TYW1B: variants seen among roughly 807,000 people sequenced by gnomAD.
The protein encoded by TYW1B is S-adenosyl-L-methionine-dependent tRNA 4-demethylwyosine synthase TYW1B.
In TYW1B, 73 loss-of-function variants were observed where a neutral mutation model predicts 86.9. That is an observed-to-expected ratio of 0.84 (90% CI 0.70 to 1.02). The LOEUF is 1.02. Among genes scored for constraint, TYW1B ranks in the 50% least tolerant of loss-of-function variants. TYW1B has a pLI of 0.00. For missense variants in TYW1B, 637 were observed against 827.4 expected (o/e 0.77, Z 2.82); for synonymous variants, 248 against 292.8 (o/e 0.85, Z 1.56).
At chr7:72,812,032 C>T (rs1788630978) in intron 3 of TYW1B, among the ~76,000 whole-genome samples, 1 of 151,556 alleles carries the variant, frequency 6.6e-6, no homozygotes, top group African/African-American at 2.4e-5. Context: ...TAACACTTGG[C>T]ACCATTATCT....
At chr7:72,620,233 T>C (rs1171682124) in intron 12 of TYW1B, among the ~76,000 whole-genome samples, 2 of 151,576 alleles carry the variant, frequency 1.3e-5, no homozygotes, top group Non-Finnish European at 2.9e-5. Context: ...CCTGTCTCTA[T>C]TAAAAATACA....
chr7:72,778,031 A>G (rs1787987667), intron 6 of TYW1B, among the ~76,000 whole-genome samples: 1 of 152,220 alleles, frequency 6.6e-6, no homozygotes. Flanking sequence ...TGAGACAACA[A>G]TCTAAAGACA....
In TYW1B at chr7:72,780,653, T is replaced by C. The variant is rs559795687; in HGVS notation, c.847-3120A>G. On this transcript the variant is annotated intron_variant, in intron 6 of 13. Transcript: ENST00000620995. ...CTGTCCCTTCACTAGAGAAAGTATC[T>C]ATTATAAAATGTGAGTGTTGCAACC... 3.7e-4 allele frequency among the ~76,000 whole-genome samples: 57 copies of C among 152,272 alleles called. 1 individual carries two copies. The highest frequency in any genetic ancestry group is 1.4e-3 in the African/African-American group (57 of 41,552).
rs184440975 is a variant in TYW1B at position 72,575,168 on chromosome 7, A to G, written c.*330T>C. On this transcript the variant is annotated 3_prime_UTR_variant, in exon 14 of 14. Transcript: ENST00000620995. ...GATTTCTTCCTTGTCTGACACTCTC[A>G]GGACTAGCATTCTGGCAGGTCTTAG... The G allele has an allele frequency of 0.021, 23,215 of 1,105,782 alleles. 298 individuals are homozygous for G. Among genetic ancestry groups the G allele is most frequent in the Middle Eastern group, 0.045 (110 of 2,424 alleles). 68.5% of individuals were successfully genotyped at this position (1,105,782 alleles called of 1,614,324 possible).
At chr7:72,825,271 A>C (rs1364375530) in intron 2 of TYW1B, among the ~76,000 whole-genome samples, 2 of 152,104 alleles carry the variant, frequency 1.3e-5, no homozygotes, top group African/African-American at 4.8e-5. Context: ...GTTCCCCCCC[A>C]AAAAAGAGAG....
intron 6 of TYW1B, among the ~76,000 whole-genome samples, chr7:72,801,091 G>A (rs1425330306): frequency 3.9e-5 from 6 of 152,162 alleles, no homozygotes; most frequent in African/African-American, 1.4e-4. Context: ...CACCACAGGA[G>A]GCCAAGGCGG....
chr7:72,754,513 T>C (rs1787554455), intron 7 of TYW1B, among the ~76,000 whole-genome samples: 1 of 152,118 alleles, frequency 6.6e-6, no homozygotes, highest in South Asian at 2.1e-4. Context: ...CTTAGCTCAC[T>C]GCTACCTCTG....
Position 72,694,679 on chromosome 7 carries a change from A to T in TYW1B, c.1506+8T>A, listed in dbSNP as rs781893203. On this transcript the variant is annotated splice_region_variant and intron_variant, in intron 11 of 13. Transcript: ENST00000620995. The stretch of plus-strand genomic sequence containing the variant: ...GTTTATTTATTTTTAAGATGTCATA[A>T]TTCTTACCTTGACTGCCAAGGCTTT... The T allele has an allele frequency of 6.2e-7, 1 of 1,600,082 alleles. No homozygotes were observed. The highest frequency in any genetic ancestry group is 2.2e-5 in the East Asian group (1 of 44,802).
intron 11 of TYW1B, among the ~76,000 whole-genome samples, chr7:72,646,059 T>G (rs1410726295): frequency 6.7e-6 from 1 of 150,246 alleles, no homozygotes; most frequent in Non-Finnish European, 1.5e-5. Flanking sequence ...TTTCGTTTGT[T>G]TTTTGTTGAG....
At chr7:72,754,038 C>T (rs547647712) in intron 7 of TYW1B, among the ~76,000 whole-genome samples, 1 of 152,146 alleles carries the variant, frequency 6.6e-6, no homozygotes, top group Non-Finnish European at 1.5e-5. Flanking sequence ...CCTACTTCAA[C>T]AAGGGTTATT....
At chr7:72,685,715 A>C (rs1161417895) in intron 11 of TYW1B, among the ~76,000 whole-genome samples, 1 of 152,194 alleles carries the variant, frequency 6.6e-6, no homozygotes, top group African/African-American at 2.4e-5. Flanking sequence ...TCTAGACGAT[A>C]ACACAGGAGA....
intron 11 of TYW1B, among the ~76,000 whole-genome samples, chr7:72,674,186 A>G (rs1813681281): frequency 1.3e-5 from 2 of 152,134 alleles, no homozygotes; most frequent in Non-Finnish European, 2.9e-5. Flanking sequence ...CCATTCTCAG[A>G]AAGTCACTTT....
At chr7:72,749,569 G>C (rs1189389500) in intron 7 of TYW1B, among the ~76,000 whole-genome samples, 2 of 152,146 alleles carry the variant, frequency 1.3e-5, no homozygotes, top group East Asian at 1.9e-4. Flanking sequence ...TGGGATTACA[G>C]GCGTGAGCCG....
chr7:72,702,035 T>A (rs2129570441), intron 10 of TYW1B, among the ~76,000 whole-genome samples: 1 of 152,350 alleles, frequency 6.6e-6, no homozygotes, highest in African/African-American at 2.4e-5. Context: ...AGGAATACGA[T>A]GGAGCTTTTC....
At chr7:72,762,510 A>G (rs1378892416) in intron 7 of TYW1B, among the ~76,000 whole-genome samples, 2 of 152,168 alleles carry the variant, frequency 1.3e-5, no homozygotes, top group Non-Finnish European at 2.9e-5. Flanking sequence ...TTATCTTAAA[A>G]GCCTAGAAAG....
chr7:72,802,917 G>C (rs547810339), intron 5 of TYW1B, among the ~76,000 whole-genome samples: 1 of 152,030 alleles, frequency 6.6e-6, no homozygotes, highest in South Asian at 2.1e-4. Context: ...AACAGCGCTC[G>C]GCTGTCTATA....
At position 72,684,494 on chromosome 7, in the gene TYW1B, A is replaced by G. The variant is rs35006166; in HGVS notation, c.1506+10193T>C. Among the ~76,000 whole-genome samples the G allele has an allele frequency of 6.0e-3, 917 of 152,238 alleles. 12 individuals carry two copies. Among genetic ancestry groups the G allele is most frequent in the African/African-American group, 0.021 (870 of 41,542 alleles). ...TATGAAAATGTCCTTCAACACTGAG[A>G]GAGAAATACTTTTTCAGACAACCGG... On this transcript the variant is annotated intron_variant, in intron 11 of 13. Transcript: ENST00000620995.
chr7:72,801,158 G>A (rs1319735004), intron 6 of TYW1B, among the ~76,000 whole-genome samples: 18 of 151,956 alleles, frequency 1.2e-4, no homozygotes, highest in African/African-American at 4.1e-4. Flanking sequence ...GTGAAATCCC[G>A]TCTCTACTAA....
intron 2 of TYW1B, among the ~76,000 whole-genome samples, 153 bp from the exon 3 acceptor site, chr7:72,815,634 T>C (rs553808265): frequency 5.3e-5 from 8 of 152,198 alleles, no homozygotes; most frequent in Non-Finnish European, 1.2e-4. Context: ...CTTACCATTT[T>C]CTTGGGCACC....
Sources: gnomAD v4.1 joint callset for allele counts (sites outside exome capture counted in the v4.1 genomes callset) on GRCh38, gnomAD v4.1.1 for gene constraint, MANE v1.5 for transcripts, NCBI Gene and HGNC (gene_info 2026-07-23, HGNC 2026-07-21) for gene names.